The following DMRT1 variants were observed in gnomAD, a reference collection of about 807,000 sequenced individuals.
DMRT1 encodes the protein doublesex and mab-3 related transcription factor 1, also known as doublesex- and mab-3-related transcription factor 1.
A neutral mutation model predicts 32.3 loss-of-function variants in DMRT1; 7 were observed. The observed-to-expected ratio is 0.22, with a 90% CI of 0.12 to 0.41. The LOEUF (loss-of-function observed/expected upper bound fraction) is 0.41. Among genes scored for constraint, DMRT1 ranks in the 10% least tolerant of loss-of-function variants. The pLI is 1.00. For missense variants in DMRT1, 625 were observed against 500.5 expected (o/e 1.25, Z -2.37); for synonymous variants, 278 against 206.1 (o/e 1.35, Z -2.99).
At chr9:938,556 G>T (rs957954759) in intron 4 of DMRT1, among the ~76,000 whole-genome samples, 1 of 152,002 alleles carries the variant, frequency 6.6e-6, no homozygotes, top group Non-Finnish European at 1.5e-5. Context: ...TTAATATTTT[G>T]TTGCTAGGGT....
intron 2 of DMRT1, among the ~76,000 whole-genome samples, chr9:874,104 G>A (rs1015683840): frequency 1.3e-5 from 2 of 152,154 alleles, no homozygotes; most frequent in Non-Finnish European, 1.5e-5. Flanking sequence ...CATTGGCATG[G>A]TGCTCTCTCA....
At chr9:879,201 C>G (rs1816633392) in intron 2 of DMRT1, among the ~76,000 whole-genome samples, 1 of 152,080 alleles carries the variant, frequency 6.6e-6, no homozygotes, top group Non-Finnish European at 1.5e-5. Flanking sequence ...CTTGCAGAAT[C>G]TCTCTACAAC....
At chr9:852,086 A>C (rs7046773) in intron 2 of DMRT1, among the ~76,000 whole-genome samples, 141,072 of 151,828 alleles carry the variant, frequency 0.93, 65,705 homozygotes, top group Middle Eastern at 0.98. Context: ...ATTACAGGCG[A>C]TCACCACCAC....
chr9:846,657 C>T (rs1443003764), intron 1 of DMRT1, among the ~76,000 whole-genome samples: 7 of 152,100 alleles, frequency 4.6e-5, no homozygotes, highest in East Asian at 1.9e-4. Flanking sequence ...TATAGCCCAC[C>T]GTAGCCTCAA....
chr9:856,136 C>G (rs894365317), intron 2 of DMRT1, among the ~76,000 whole-genome samples: 1 of 152,016 alleles, frequency 6.6e-6, no homozygotes, highest in Non-Finnish European at 1.5e-5. Flanking sequence ...AGGCTGGTCT[C>G]GAATTCCTGA....
At chr9:925,377 G>A (rs1183133322) in intron 4 of DMRT1, among the ~76,000 whole-genome samples, 1 of 152,212 alleles carries the variant, frequency 6.6e-6, no homozygotes. Context: ...TTTATGCCAT[G>A]TAGAATCTTC....
chr9:842,132 C>T lies in DMRT1; in HGVS notation c.294C>T (p.Arg98=), dbSNP rs368228276. ...GCCACAAGCGCTTCTGCATGTGGCG[C>T]GACTGCCAGTGCAAGAAGTGCAACC... ...LKGHKRFCMW[R]DCQCKKCNLI... Residue 98 remains arginine (R), a synonymous_variant, in exon 1 of 5, where the codon CGC becomes CGT. Coordinates refer to ENST00000382276, the MANE Select transcript of DMRT1 (RefSeq NM_021951.3). 7 of 1,547,720 alleles carry T rather than the reference C, an allele frequency of 4.5e-6. No individual in the cohort carries two copies. The highest frequency in any genetic ancestry group is 4.1e-5 in the African/African-American group (3 of 73,282).
intron 4 of DMRT1, among the ~76,000 whole-genome samples, chr9:944,027 A>G (rs967804772): frequency 3.3e-5 from 5 of 152,160 alleles, no homozygotes; most frequent in African/African-American, 1.2e-4. Context: ...TCACTTAGTA[A>G]CCATATAAAC....
intron 2 of DMRT1, among the ~76,000 whole-genome samples, chr9:887,355 C>G (rs1012824166): frequency 1.3e-5 from 2 of 152,158 alleles, no homozygotes; most frequent in Non-Finnish European, 2.9e-5. Flanking sequence ...AGTCTATTCC[C>G]CCATCTCCTT....
chr9:863,231 T>G (rs544947900), intron 2 of DMRT1, among the ~76,000 whole-genome samples: 1 of 149,290 alleles, frequency 6.7e-6, no homozygotes, highest in African/African-American at 2.5e-5. Context: ...GGTGGGAGGA[T>G]TGCCTGACCC....
At chr9:895,465 C>T (rs16925475) in intron 3 of DMRT1, among the ~76,000 whole-genome samples, 7,758 of 152,232 alleles carry the variant, frequency 0.051, 351 homozygotes, top group African/African-American at 0.12. Context: ...TTTGATTCAA[C>T]GCAATGCCAC....
At chr9:905,166 A>G (rs1041312083) in intron 3 of DMRT1, among the ~76,000 whole-genome samples, 1 of 151,574 alleles carries the variant, frequency 6.6e-6, no homozygotes, top group Non-Finnish European at 1.5e-5. Flanking sequence ...CAGTGAGTGC[A>G]CCCCCTTACT....
chr9:841,919 A>G lies in DMRT1; in HGVS notation c.81A>G (p.Arg27=). The part of the protein sequence containing the change: ...PHAPGVPPQG[R]AGGFGKASGA... ...CCCCCGGGGTACCGCCGCAGGGCAG[A>G]GCCGGGGGCTTTGGCAAAGCGTCTG... Residue 27 remains arginine (R), a synonymous_variant, in exon 1 of 5, where the codon AGA becomes AGG. Coordinates refer to ENST00000382276, the MANE Select transcript of DMRT1 (RefSeq NM_021951.3). The G allele has an allele frequency of 6.2e-7, 1 of 1,607,932 alleles. No individual in the cohort carries two copies. Among genetic ancestry groups the G allele is most frequent in the Non-Finnish European group, 8.5e-7 (1 of 1,177,210 alleles).
At chr9:852,852 T>C (rs570674046) in intron 2 of DMRT1, among the ~76,000 whole-genome samples, 20 of 152,230 alleles carry the variant, frequency 1.3e-4, no homozygotes, top group Non-Finnish European at 2.8e-4. Context: ...TGTCTAATAT[T>C]GAAGGGGCCT....
At chr9:929,616 T>C (rs928245096) in intron 4 of DMRT1, among the ~76,000 whole-genome samples, 5 of 152,062 alleles carry the variant, frequency 3.3e-5, no homozygotes, top group African/African-American at 1.2e-4. Flanking sequence ...TTATACAGGC[T>C]AGACACATTC....
At chr9:927,907 T>C (rs972371210) in intron 4 of DMRT1, among the ~76,000 whole-genome samples, 9 of 152,194 alleles carry the variant, frequency 5.9e-5, no homozygotes, top group African/African-American at 1.9e-4. Flanking sequence ...TTGTGGTACA[T>C]TGGAATGTCC....
intron 4 of DMRT1, among the ~76,000 whole-genome samples, chr9:931,839 CT>C (rs1379907200): frequency 2.6e-5 from 4 of 152,172 alleles, no homozygotes; most frequent in African/African-American, 9.7e-5. Flanking sequence ...AGCACAGAGA[CT>C]ACATTCAGTC....
At chr9:884,786 A>G (rs1816860870) in intron 2 of DMRT1, among the ~76,000 whole-genome samples, 1 of 152,152 alleles carries the variant, frequency 6.6e-6, no homozygotes, top group South Asian at 2.1e-4. Context: ...CCTGGCCAAC[A>G]TGGTGAAACC....
intron 4 of DMRT1, among the ~76,000 whole-genome samples, chr9:922,326 C>G (rs1182022847): frequency 6.6e-6 from 1 of 152,118 alleles, no homozygotes; most frequent in South Asian, 2.1e-4. Flanking sequence ...TTGTCTAGTG[C>G]CCAGATGGAG....
Sources: allele counts gnomAD v4.1 joint callset (sites outside exome capture counted in the v4.1 genomes callset), GRCh38; gene constraint gnomAD v4.1.1; transcripts MANE v1.5; gene names NCBI Gene and HGNC (gene_info 2026-07-23, HGNC 2026-07-21).